The following HNRNPUL1 variants were observed in gnomAD, a reference collection of about 807,000 sequenced individuals.
HNRNPUL1 encodes the protein heterogeneous nuclear ribonucleoprotein U-like protein 1.
A neutral mutation model predicts 108.5 loss-of-function variants in HNRNPUL1; 14 were observed. The observed-to-expected ratio is 0.13, with a 90% CI of 0.09 to 0.20. HNRNPUL1 has a LOEUF of 0.20. Ranked by LOEUF, HNRNPUL1 falls within the 10% of genes least tolerant of loss-of-function variation. The pLI, the probability that HNRNPUL1 is intolerant of heterozygous loss-of-function variation, is 1.00. For missense variants in HNRNPUL1, 804 were observed against 1,168.3 expected, an observed-to-expected ratio of 0.69 and a Z score of 4.55; for synonymous variants, 422 against 445.2, an observed-to-expected ratio of 0.95 and a Z score of 0.66.
Position 41,301,644 on chromosome 19 carries a change from A to G in HNRNPUL1, c.1627A>G (p.Ile543Val), listed in dbSNP as rs745563395. 1.2e-6 allele frequency: 2 copies of G among 1,614,184 alleles called. No homozygotes were observed. The highest frequency in any genetic ancestry group is 1.7e-6 in the Non-Finnish European group (2 of 1,180,018). Residue 543 changes from isoleucine to valine, a missense_variant, in exon 11 of 15, where the codon ATA becomes GTA. This residue lies in a region of HNRNPUL1 where 80 missense variants were observed against 221.8 expected (regional missense o/e 0.36). Coordinates refer to ENST00000392006, the MANE Select transcript of HNRNPUL1 (RefSeq NM_007040.6). ...PTDEDLKDRT[I>V]KRTDEEGKDV... ...TGACGAGGACCTAAAAGACCGAACA[A>G]TAAAGCGAACCGACGAGGAAGGGAA...
At chr19:41,273,269 G>C (rs989352276) in intron 3 of HNRNPUL1, among the ~76,000 whole-genome samples, 1 of 152,182 alleles carries the variant, frequency 6.6e-6, no homozygotes, top group African/African-American at 2.4e-5. Flanking sequence ...CTCCACCAGA[G>C]GGAAGCCTGC....
At chr19:41,301,789 TC>T in intron 11 of HNRNPUL1, 85 bp downstream of exon 11, 1 of 1,222,024 alleles carries the variant, frequency 8.2e-7, no homozygotes, top group East Asian at 2.5e-5. Context: ...CTTCCCTGGC[TC>T]CCCAGTGATT....
At chr19:41,298,630 C>G (rs1349165840) in intron 10 of HNRNPUL1, 1 of 152,216 alleles carries the variant, frequency 6.6e-6, no homozygotes, top group Non-Finnish European at 1.5e-5. Context: ...GAGGTGCAGT[C>G]TTAAAAACCA....
intron 7 of HNRNPUL1, among the ~76,000 whole-genome samples, chr19:41,289,711 G>GT (rs1216519353): frequency 7.5e-6 from 1 of 132,802 alleles, no homozygotes; most frequent in Non-Finnish European, 1.6e-5. Context: ...GCTCTCCATG[G>GT]TCTTTTTTTT....
At chr19:41,279,287 G>GAA in intron 6 of HNRNPUL1, 111 bp downstream of exon 6, 1 of 721,342 alleles carries the variant, frequency 1.4e-6, no homozygotes, top group Non-Finnish European at 2.4e-6. Flanking sequence ...ATAGAACTAG[G>GAA]CTGAAGTGGA....
At chr19:41,265,200 A>G in intron 1 of HNRNPUL1, 1 of 1,501,606 alleles carries the variant, frequency 6.7e-7, no homozygotes, top group South Asian at 1.3e-5. Context: ...CGGTCGTGCT[A>G]GCCCAGCGTG....
At chr19:41,289,713 CTTTTT>C (rs71177710) in intron 7 of HNRNPUL1, among the ~76,000 whole-genome samples, 1 of 119,928 alleles carries the variant, frequency 8.3e-6, no homozygotes, top group South Asian at 2.7e-4. Flanking sequence ...TCTCCATGGT[CTTTTT>C]TTTTTTTTTT....
In HNRNPUL1 at chr19:41,265,421, GT is replaced by G. The variant is rs1207129894; in HGVS notation, c.295+626del. On this transcript the variant is annotated intron_variant, in intron 1 of 14. Coordinates refer to ENST00000392006, the MANE Select transcript of HNRNPUL1 (RefSeq NM_007040.6). Reference sequence around the variant, plus strand: ...GTCCTAATGGACTCAGTGCTTTGGAGTTTGGCTAGTGAGCATTTAGGGGCTG... The same window carrying G: ...GTCCTAATGGACTCAGTGCTTTGGAGTTGGCTAGTGAGCATTTAGGGGCTG... 2.8e-6 allele frequency: 4 copies of G among 1,446,620 alleles called. No individual in the cohort carries two copies. In the African/African-American group the frequency reaches 5.8e-5, roughly 21 times the overall value. 89.6% of individuals were successfully genotyped at this position (1,446,620 alleles called of 1,614,324 possible). A position where few individuals can be genotyped will look rare whatever the true frequency, so the allele number is the denominator to read the frequency against.
chr19:41,286,290 T>G (rs2036224171), intron 7 of HNRNPUL1: 1 of 152,066 alleles, frequency 6.6e-6, no homozygotes, highest in Non-Finnish European at 1.5e-5. Context: ...AAAGTACACA[T>G]GTAAGTGGAC....
chr19:41,293,503 C>G (rs770450868), intron 8 of HNRNPUL1, among the ~76,000 whole-genome samples: 12 of 152,220 alleles, frequency 7.9e-5, no homozygotes, highest in South Asian at 2.1e-4. Flanking sequence ...GCCACTCCCC[C>G]CTAGTCGGGC....
chr19:41,275,624 AC>A (rs1223149005), intron 4 of HNRNPUL1, among the ~76,000 whole-genome samples: 1 of 152,094 alleles, frequency 6.6e-6, no homozygotes, highest in Non-Finnish European at 1.5e-5. Flanking sequence ...CAGATAAAGA[AC>A]CCCAGTTCCT....
At chr19:41,281,063 G>A in intron 6 of HNRNPUL1, 100 bp from the exon 7 acceptor site, 1 of 782,168 alleles carries the variant, frequency 1.3e-6, no homozygotes, top group Non-Finnish European at 2.2e-6. Context: ...AACTAGTAAA[G>A]AAAATGATTT....
intron 7 of HNRNPUL1, among the ~76,000 whole-genome samples, chr19:41,291,057 G>C (rs889243624): frequency 2.0e-5 from 3 of 151,948 alleles, no homozygotes; most frequent in African/African-American, 7.3e-5. Context: ...AACAAAAAGA[G>C]GGGGGATCTT....
At chr19:41,298,279 T>C (rs896612259) in intron 10 of HNRNPUL1, among the ~76,000 whole-genome samples, 1 of 152,202 alleles carries the variant, frequency 6.6e-6, no homozygotes, top group Non-Finnish European at 1.5e-5. Context: ...CCTTAGTCCA[T>C]GTCACAGGGT....
At chr19:41,281,362 C>T (rs886330705) in intron 7 of HNRNPUL1, 87 bp downstream of exon 7, 30 of 815,598 alleles carry the variant, frequency 3.7e-5, no homozygotes, top group Non-Finnish European at 5.2e-5. Context: ...CATTGTCTGC[C>T]CCATATCCAG....
chr19:41,271,397 G>A (rs2035229456), intron 2 of HNRNPUL1, among the ~76,000 whole-genome samples: 1 of 152,210 alleles, frequency 6.6e-6, no homozygotes, highest in African/African-American at 2.4e-5. Flanking sequence ...CACCATCCCA[G>A]CCCTAGAGAA....
chr19:41,264,547 T>C lies in HNRNPUL1; in HGVS notation c.44T>C (p.Leu15Pro). ...RLKVNELREE[L>P]QRRGLDTRGL... ...AAGGTGAACGAACTTCGCGAGGAGCTGCAGCGCCGCGGCCTGGACACTCGA... is the reference window on the plus strand; with the variant it reads ...AAGGTGAACGAACTTCGCGAGGAGCCGCAGCGCCGCGGCCTGGACACTCGA... Residue 15 changes from leucine (L) to proline (P), a missense_variant, in exon 1 of 15, where the codon CTG (leucine) becomes CCG (proline). By Grantham distance (98) the Leu-to-Pro change is moderately conservative. Coordinates refer to ENST00000392006, the MANE Select transcript of HNRNPUL1 (RefSeq NM_007040.6). 6.6e-7 allele frequency: 1 copy of C among 1,505,334 alleles called. No homozygotes were observed. Among genetic ancestry groups the C allele is most frequent in the Non-Finnish European group, 8.9e-7 (1 of 1,129,662 alleles). 93.2% of individuals were successfully genotyped at this position (1,505,334 alleles called of 1,614,324 possible).
intron 7 of HNRNPUL1, among the ~76,000 whole-genome samples, chr19:41,282,254 C>T (rs1486313010): frequency 6.6e-6 from 1 of 152,128 alleles, no homozygotes. Context: ...GCGATCTCGG[C>T]TCACCACAAT....
At chr19:41,277,362 G>T (rs1488170015) in intron 5 of HNRNPUL1, among the ~76,000 whole-genome samples, 1 of 152,142 alleles carries the variant, frequency 6.6e-6, no homozygotes, top group Non-Finnish European at 1.5e-5. Flanking sequence ...GTTAGCCCCA[G>T]TTTTTAGAGG....
Sources: gnomAD v4.1 joint callset for allele counts (sites outside exome capture counted in the v4.1 genomes callset) on GRCh38, gnomAD v4.1.1 for gene constraint, gnomAD v4.1.1 regional missense constraint, MANE v1.5 for transcripts, NCBI Gene and HGNC (gene_info 2026-07-23, HGNC 2026-07-21) for gene names.